INPP4B: variants seen among roughly 807,000 people sequenced by gnomAD.
The protein encoded by INPP4B is inositol polyphosphate-4-phosphatase type II B, also known as inositol polyphosphate 4-phosphatase type II.
A neutral mutation model predicts 122.5 loss-of-function variants in INPP4B; 55 were observed. That is an observed-to-expected ratio of 0.45 (90% CI 0.36 to 0.56). The LOEUF (loss-of-function observed/expected upper bound fraction) is 0.56, where lower values mean the gene tolerates loss of function less well. INPP4B is among the 20% of genes least tolerant of loss of function. The pLI, the probability that INPP4B is intolerant of heterozygous loss-of-function variation, is 0.00. For missense variants in INPP4B, 1,000 were observed against 1,097.7 expected, an observed-to-expected ratio of 0.91 and a Z score of 1.26; for synonymous variants, 403 against 388.7, an observed-to-expected ratio of 1.04 and a Z score of -0.43.
chr4:142,205,766 G>C (rs756144536), intron 14 of INPP4B, among the ~76,000 whole-genome samples: 3 of 152,018 alleles, frequency 2.0e-5, no homozygotes, highest in Non-Finnish European at 2.9e-5. Context: ...ATCATAAAAG[G>C]CTTTTCATTT....
intron 12 of INPP4B, among the ~76,000 whole-genome samples, chr4:142,213,628 C>T (rs1845801826): frequency 6.6e-6 from 1 of 152,198 alleles, no homozygotes; most frequent in South Asian, 2.1e-4. Flanking sequence ...CAACCCCATT[C>T]ACATGTCTCT....
chr4:142,765,762 TTA>T (rs1772023287), intron 1 of INPP4B: 1 of 152,102 alleles, frequency 6.6e-6, no homozygotes, highest in African/African-American at 2.4e-5. Flanking sequence ...AAATCCAGCA[TTA>T]TTTTTCTGAT....
chr4:142,211,631 A>C (rs1844939108), intron 12 of INPP4B, among the ~76,000 whole-genome samples: 1 of 152,230 alleles, frequency 6.6e-6, no homozygotes, highest in South Asian at 2.1e-4. Flanking sequence ...CATGTGAAAC[A>C]AATCTAAAGA....
intron 2 of INPP4B, among the ~76,000 whole-genome samples, chr4:142,621,865 C>T (rs1023770205): frequency 1.3e-5 from 2 of 151,618 alleles, no homozygotes; most frequent in South Asian, 4.2e-4. Flanking sequence ...CATGATTATT[C>T]TCAATGCTTT....
At chr4:142,261,207 A>G (rs1253570539) in intron 10 of INPP4B, among the ~76,000 whole-genome samples, 2 of 152,206 alleles carry the variant, frequency 1.3e-5, no homozygotes, top group Non-Finnish European at 2.9e-5. Flanking sequence ...ATGAACCACA[A>G]TGGGAGAGAA....
chr4:142,443,203 C>T (rs995395357), intron 3 of INPP4B, among the ~76,000 whole-genome samples: 1 of 152,114 alleles, frequency 6.6e-6, no homozygotes, highest in African/African-American at 2.4e-5. Flanking sequence ...ATATAACACT[C>T]CTGAGAGCCT....
At chr4:142,514,269 GTCCA>G (rs1286503087) in intron 2 of INPP4B, 1 of 152,146 alleles carries the variant, frequency 6.6e-6, no homozygotes, top group Admixed American at 6.5e-5. Flanking sequence ...TCTTCCTCAG[GTCCA>G]TCTCGACTTT....
intron 2 of INPP4B, among the ~76,000 whole-genome samples, chr4:142,528,540 T>A (rs934680426): frequency 6.6e-6 from 1 of 152,100 alleles, no homozygotes; most frequent in Admixed American, 6.6e-5. Flanking sequence ...AGGACAGAAA[T>A]CACAGTCTTT....
chr4:142,534,102 G>A (rs1413045420), intron 2 of INPP4B, among the ~76,000 whole-genome samples: 2 of 152,112 alleles, frequency 1.3e-5, no homozygotes, highest in African/African-American at 4.8e-5. Context: ...ACCCATTGTG[G>A]ATATGTATCT....
chr4:142,664,269 C>T (rs1755664494), intron 2 of INPP4B, among the ~76,000 whole-genome samples: 1 of 152,084 alleles, frequency 6.6e-6, no homozygotes, highest in South Asian at 2.1e-4. Context: ...CTATGCCCAA[C>T]CCAAGCTATT....
At chr4:142,258,465 A>G (rs1049204246) in intron 11 of INPP4B, among the ~76,000 whole-genome samples, 23 of 152,256 alleles carry the variant, frequency 1.5e-4, no homozygotes, top group East Asian at 1.3e-3. Context: ...CTGACAAAGG[A>G]CTAATATCCA....
intron 9 of INPP4B, chr4:142,287,422 T>G (rs1392025558): frequency 6.6e-6 from 1 of 152,200 alleles, no homozygotes; most frequent in Non-Finnish European, 1.5e-5. Context: ...TATCCCCTTT[T>G]CTATAGGCAT....
At chr4:142,654,946 T>A (rs1377822536) in intron 2 of INPP4B, among the ~76,000 whole-genome samples, 1 of 152,032 alleles carries the variant, frequency 6.6e-6, no homozygotes, top group East Asian at 1.9e-4. Flanking sequence ...AGATGTTATA[T>A]AGCTGCCAAA....
At chr4:142,301,450 A>C (rs955887966) in intron 9 of INPP4B, among the ~76,000 whole-genome samples, 2 of 152,180 alleles carry the variant, frequency 1.3e-5, no homozygotes, top group African/African-American at 4.8e-5. Context: ...TAAAAGTAGA[A>C]TAGGCTCTGG....
At chr4:142,374,035 A>G (rs1579882391) in intron 7 of INPP4B, among the ~76,000 whole-genome samples, 1 of 152,068 alleles carries the variant, frequency 6.6e-6, no homozygotes, top group African/African-American at 2.4e-5. Context: ...AAAGGAAGAG[A>G]AAAGGAGTGT....
chr4:142,090,396 ATT>A (rs33979683), intron 23 of INPP4B, among the ~76,000 whole-genome samples: 22,004 of 147,546 alleles, frequency 0.15, 1,918 homozygotes, highest in East Asian at 0.24. Flanking sequence ...GGTTGCTGCC[ATT>A]TTTTTTTTTT....
At chr4:142,814,834 A>G (rs1415962548) in intron 1 of INPP4B, among the ~76,000 whole-genome samples, 1 of 152,156 alleles carries the variant, frequency 6.6e-6, no homozygotes, top group Admixed American at 6.6e-5. Flanking sequence ...AGACACTCTA[A>G]TCTCAAGGGG....
At chr4:142,419,157 A>G (rs1352184496) in intron 5 of INPP4B, among the ~76,000 whole-genome samples, 3 of 152,118 alleles carry the variant, frequency 2.0e-5, no homozygotes, top group Admixed American at 6.6e-5. Context: ...TTGGGGGGAC[A>G]AAAGTAAAGA....
chr4:142,725,414 A>T (rs1765216630), intron 2 of INPP4B, among the ~76,000 whole-genome samples: 1 of 152,152 alleles, frequency 6.6e-6, no homozygotes, highest in Non-Finnish European at 1.5e-5. Context: ...TATATTCAAA[A>T]AAATACATAA....
Sources: gnomAD v4.1 joint callset for allele counts (sites outside exome capture counted in the v4.1 genomes callset) on GRCh38, gnomAD v4.1.1 for gene constraint, MANE v1.5 for transcripts, NCBI Gene and HGNC (gene_info 2026-07-23, HGNC 2026-07-21) for gene names.